ZNF143: variants seen among roughly 807,000 people sequenced by gnomAD.
The protein encoded by ZNF143 is zinc finger protein 143.
In ZNF143, 49 loss-of-function variants were observed where a neutral mutation model predicts 74.1. The observed-to-expected ratio is 0.66, with a 90% CI of 0.53 to 0.84. The LOEUF (loss-of-function observed/expected upper bound fraction) is 0.84, where lower values mean the gene tolerates loss of function less well. Among genes scored for constraint, ZNF143 ranks in the 40% least tolerant of loss-of-function variants. The pLI is 0.00. For missense variants in ZNF143, 637 were observed against 793.4 expected (o/e 0.80, Z 2.37); for synonymous variants, 304 against 282.8 (o/e 1.07, Z -0.75).
At chr11:9,483,560 G>T (rs1455673979) in intron 7 of ZNF143, among the ~76,000 whole-genome samples, 1 of 150,792 alleles carries the variant, frequency 6.6e-6, no homozygotes, top group East Asian at 1.9e-4. Flanking sequence ...CTCCCAAAGT[G>T]CTGGGACCAC....
chr11:9,482,656 CTT>C (rs55996675), intron 7 of ZNF143, among the ~76,000 whole-genome samples: 137,231 of 144,524 alleles, frequency 0.95, 65,446 homozygotes, highest in Non-Finnish European at 0.99. Context: ...GAATGGGATT[CTT>C]TTTTTTTTTT....
At position 9,496,296 on chromosome 11, in the gene ZNF143, A is replaced by G. The variant is rs1847955135; in HGVS notation, c.766-7A>G. On this transcript the variant is annotated splice_region_variant and splice_polypyrimidine_tract_variant and intron_variant, in intron 8 of 15. Transcript: ENST00000396602. ...GAAATAGAATCATGCCTGCATTTTA[A>G]TCACAGGTCCATGAGAGGTCACACA... 6.2e-7 allele frequency: 1 copy of G among 1,613,934 alleles called. No individual in the cohort carries two copies. Among genetic ancestry groups the G allele is most frequent in the Non-Finnish European group, 8.5e-7 (1 of 1,179,926 alleles).
At chr11:9,491,865 A>C (rs1007106887) in intron 7 of ZNF143, among the ~76,000 whole-genome samples, 2 of 152,104 alleles carry the variant, frequency 1.3e-5, no homozygotes, top group Non-Finnish European at 2.9e-5. Context: ...CCTGATCTCA[A>C]ACGATCTGCC....
chr11:9,487,452 C>T lies in ZNF143; in HGVS notation c.646-7194C>T, dbSNP rs185143613. Among the ~76,000 whole-genome samples, 9 of 151,510 alleles carry T rather than the reference C, an allele frequency of 5.9e-5. 1 individual carries two copies. The East Asian group carries it at 1.2e-3, about 20-fold the overall frequency. ...TCAGCTCACTGCAAGCTCCGCCTCCCGGGTTCATGCTTCTCCTGCCTCAGC... is the reference window on the plus strand; with the variant it reads ...TCAGCTCACTGCAAGCTCCGCCTCCTGGGTTCATGCTTCTCCTGCCTCAGC... On this transcript the variant is annotated intron_variant, in intron 7 of 15. Coordinates refer to ENST00000396602, the MANE Select transcript of ZNF143 (RefSeq NM_003442.6).
chr11:9,496,779 G>A (rs1165204567), intron 9 of ZNF143, among the ~76,000 whole-genome samples: 1 of 151,768 alleles, frequency 6.6e-6, no homozygotes, highest in Non-Finnish European at 1.5e-5. Flanking sequence ...TGTATTTTTA[G>A]TAGAGATGAG....
At chr11:9,511,582 G>A (rs566678129) in intron 12 of ZNF143, among the ~76,000 whole-genome samples, 13 of 150,966 alleles carry the variant, frequency 8.6e-5, no homozygotes, top group African/African-American at 3.2e-4. Flanking sequence ...GATTACAGGT[G>A]TGAGCCACCA....
intron 14 of ZNF143, among the ~76,000 whole-genome samples, chr11:9,522,510 T>G (rs1848971155): frequency 6.6e-6 from 1 of 152,266 alleles, no homozygotes. Context: ...TTTTGTTTTT[T>G]TGAGACAGTT....
intron 7 of ZNF143, among the ~76,000 whole-genome samples, chr11:9,482,044 C>T (rs1436438131): frequency 7.0e-6 from 1 of 143,746 alleles, no homozygotes; most frequent in Non-Finnish European, 1.5e-5. Context: ...GATCTTGGCT[C>T]ACTGCAAGCT....
intron 11 of ZNF143, among the ~76,000 whole-genome samples, chr11:9,507,936 G>C (rs1222804380): frequency 6.6e-6 from 1 of 152,170 alleles, no homozygotes; most frequent in Non-Finnish European, 1.5e-5. Flanking sequence ...ATTGGTACAT[G>C]GGGAACTGTT....
chr11:9,517,491 A>G (rs1848765501), intron 14 of ZNF143, among the ~76,000 whole-genome samples: 1 of 152,196 alleles, frequency 6.6e-6, no homozygotes, highest in Non-Finnish European at 1.5e-5. Flanking sequence ...AATTGTGATC[A>G]GTGTTGCCAA....
chr11:9,508,339 T>TA (rs1848432025), intron 11 of ZNF143, among the ~76,000 whole-genome samples: 1 of 152,214 alleles, frequency 6.6e-6, no homozygotes, highest in Admixed American at 6.5e-5. Flanking sequence ...TCATTAAAGT[T>TA]AGAGTTAAAC....
At chr11:9,482,633 A>C (rs573634022) in intron 7 of ZNF143, among the ~76,000 whole-genome samples, 1 of 148,326 alleles carries the variant, frequency 6.7e-6, no homozygotes, top group Non-Finnish European at 1.5e-5. Context: ...CAGTAGACAA[A>C]TAGAAGACTA....
chr11:9,468,195 C>T (rs541957925), intron 1 of ZNF143, among the ~76,000 whole-genome samples: 2 of 152,276 alleles, frequency 1.3e-5, no homozygotes, highest in African/African-American at 4.8e-5. Context: ...TAAACCATGT[C>T]CATTAGTGCT....
intron 11 of ZNF143, among the ~76,000 whole-genome samples, chr11:9,503,151 C>T (rs1319159576): frequency 6.6e-6 from 1 of 152,118 alleles, no homozygotes; most frequent in Non-Finnish European, 1.5e-5. Context: ...TTTTGAAGTT[C>T]AACCATGTTG....
At chr11:9,476,039 C>T (rs1031990411) in intron 5 of ZNF143, among the ~76,000 whole-genome samples, 3 of 151,352 alleles carry the variant, frequency 2.0e-5, no homozygotes, top group Non-Finnish European at 2.9e-5. Flanking sequence ...GAAGCAAATA[C>T]AGCAAAATGT....
At chr11:9,489,415 T>C (rs1317742522) in intron 7 of ZNF143, among the ~76,000 whole-genome samples, 1 of 152,088 alleles carries the variant, frequency 6.6e-6, no homozygotes, top group Non-Finnish European at 1.5e-5. Flanking sequence ...TTTACTACCC[T>C]AAGTTCTTAA....
intron 10 of ZNF143, 61 bp downstream of exon 10, chr11:9,497,861 C>T (rs543978403): frequency 4.6e-4 from 592 of 1,278,270 alleles, no homozygotes; most frequent in Non-Finnish European, 4.8e-4. Flanking sequence ...GACGGAGTCT[C>T]GCTCTGTCGC....
chr11:9,477,135 CT>C (rs1856958984), intron 5 of ZNF143, among the ~76,000 whole-genome samples: 3 of 138,792 alleles, frequency 2.2e-5, no homozygotes, highest in African/African-American at 8.0e-5. Flanking sequence ...TCCTTCCTTC[CT>C]TCCTTCCTTC....
intron 14 of ZNF143, among the ~76,000 whole-genome samples, chr11:9,519,881 G>A (rs1326709769): frequency 6.6e-6 from 1 of 151,974 alleles, no homozygotes; most frequent in Non-Finnish European, 1.5e-5. Context: ...TGCTTCTTGT[G>A]GTTAAAACGT....
Sources: allele counts gnomAD v4.1 joint callset (sites outside exome capture counted in the v4.1 genomes callset), GRCh38; gene constraint gnomAD v4.1.1; transcripts MANE v1.5; gene names NCBI Gene and HGNC (gene_info 2026-07-23, HGNC 2026-07-21).